Variants in PRKN observed in about 807,000 individuals in gnomAD.
PRKN encodes the protein parkin RBR E3 ubiquitin protein ligase.
Under a neutral mutation model 59.5 loss-of-function variants are expected in PRKN, and 56 were observed. That is an observed-to-expected ratio of 0.94 (90% confidence interval 0.76 to 1.18). The LOEUF (loss-of-function observed/expected upper bound fraction) is 1.18. Ranked by LOEUF, PRKN falls within the 50% of genes most tolerant of loss-of-function variation. PRKN has a pLI of 0.00. For synonymous variants in PRKN, 250 were observed against 222.1 expected (o/e 1.13, Z -1.12); for missense variants, 657 against 596.4 (o/e 1.10, Z -1.06).
chr6:162,314,059 CCAAGTCAAGA>C (rs1782646056), intron 2 of PRKN, among the ~76,000 whole-genome samples: 1 of 152,068 alleles, frequency 6.6e-6, no homozygotes, highest in Non-Finnish European at 1.5e-5. Flanking sequence ...TCGCCACCAC[CCAAGTCAAGA>C]CACAAAGAAG....
chr6:161,365,942 G>A (rs1785178254), intron 10 of PRKN, among the ~76,000 whole-genome samples: 1 of 152,188 alleles, frequency 6.6e-6, no homozygotes, highest in Non-Finnish European at 1.5e-5. Context: ...AAAATTGAGA[G>A]CAGCAATTTC....
chr6:161,746,870 A>ATATATC (rs1239372763), intron 7 of PRKN, among the ~76,000 whole-genome samples: 45 of 149,570 alleles, frequency 3.0e-4, no homozygotes, highest in African/African-American at 9.7e-4. Context: ...ATATCTACGT[A>ATATATC]TATATCTATA....
chr6:161,402,362 G>A lies in PRKN; in HGVS notation c.1084-15485C>T, dbSNP rs1787087938. The stretch of plus-strand genomic sequence containing the variant: ...TATTGCTTTGCTAAGGACATAGAAA[G>A]CAAACTAATTAAATGACAGCTAAAG... On this transcript the variant is annotated intron_variant, in intron 9 of 11. Transcript: ENST00000366898. The surrounding 1 kb of genome is among the most constrained non-coding windows in gnomAD (Gnocchi z 4.5). 6.6e-6 allele frequency among the ~76,000 whole-genome samples: 1 copy of A among 152,138 alleles called. No individual in the cohort carries two copies. The highest frequency in any genetic ancestry group is 2.4e-5 in the African/African-American group (1 of 41,414).
chr6:161,544,989 G>A lies in PRKN; in HGVS notation c.1083+3865C>T, dbSNP rs117217302. The stretch of plus-strand genomic sequence containing the variant: ...TATACAACAGAAACCACAGCTGTGC[G>A]GAAGACCACCCAGGTACATGGTCGT... On this transcript the variant is annotated intron_variant, in intron 9 of 11. Transcript: ENST00000366898. This position sits in a 1 kb window ranked among gnomAD's most constrained non-coding sequence, Gnocchi z 5.5. 706 of 208,780 alleles carry A rather than the reference G, an allele frequency of 3.4e-3. 18 individuals carry two copies. In the East Asian group the frequency reaches 0.057, roughly 17 times the overall value. 12.9% of individuals were successfully genotyped at this position (208,780 alleles called of 1,614,324 possible). A position where few individuals can be genotyped will look rare whatever the true frequency, so the allele number is the denominator to read the frequency against.
chr6:162,391,585 G>A (rs1323084425), intron 2 of PRKN, among the ~76,000 whole-genome samples: 3 of 151,688 alleles, frequency 2.0e-5, no homozygotes, highest in South Asian at 2.1e-4. Context: ...CATGCTTGAC[G>A]TGGATTTCGA....
At chr6:162,470,054 G>C (rs1791652741) in intron 1 of PRKN, among the ~76,000 whole-genome samples, 1 of 151,952 alleles carries the variant, frequency 6.6e-6, no homozygotes, top group Non-Finnish European at 1.5e-5. Context: ...CCATAAAAAG[G>C]CCTGACTATC....
At chr6:161,863,206 A>G (rs2128225083) in intron 6 of PRKN, among the ~76,000 whole-genome samples, 1 of 152,324 alleles carries the variant, frequency 6.6e-6, no homozygotes, top group African/African-American at 2.4e-5. Context: ...AGACAGAAGA[A>G]TAACATAAAA....
At chr6:161,700,895 T>C (rs964774340) in intron 7 of PRKN, among the ~76,000 whole-genome samples, 16 of 152,196 alleles carry the variant, frequency 1.1e-4, no homozygotes, top group African/African-American at 3.9e-4. Context: ...GTAATGAAGG[T>C]TATATTTCAA....
chr6:161,790,637 CTA>C (rs1024769731), intron 6 of PRKN, among the ~76,000 whole-genome samples: 6 of 152,198 alleles, frequency 3.9e-5, no homozygotes, highest in Admixed American at 6.5e-5. Context: ...AAGCCACCGT[CTA>C]TGAACCAGGA....
rs1336907834 is a variant in PRKN, at chr6:161,390,197, T to C, written c.1084-3320A>G. On this transcript the variant is annotated intron_variant, in intron 9 of 11. Coordinates refer to ENST00000366898, the MANE Select transcript of PRKN (RefSeq NM_004562.3). The surrounding 1 kb of genome is among the most constrained non-coding windows in gnomAD (Gnocchi z 7.0). ...AATGTTTGGGTTTTCAATTACATTA[T>C]CCAGGACTCAAGACTCTCAACCTTC... is the stretch of plus-strand genomic sequence containing the variant. 6.6e-6 allele frequency among the ~76,000 whole-genome samples: 1 copy of C among 152,224 alleles called. No individual in the cohort carries two copies. Among genetic ancestry groups the C allele is most frequent in the Non-Finnish European group, 1.5e-5 (1 of 68,038 alleles).
Position 161,783,208 on chromosome 6 carries a change from T to C in PRKN, c.871+2564A>G, listed in dbSNP as rs111546268. On this transcript the variant is annotated intron_variant, in intron 7 of 11. Transcript: ENST00000366898. ...CAACAGTTGTAATATTGGTGACTTT[T>C]CAATGAAAATTTGGTAACACTGGAT... Among the ~76,000 whole-genome samples, 551 of 152,254 alleles carry C rather than the reference T, an allele frequency of 3.6e-3. 4 individuals carry two copies. Among genetic ancestry groups the C allele is most frequent in the African/African-American group, 0.012 (504 of 41,542 alleles).
At chr6:162,339,677 G>C (rs1468052213) in intron 2 of PRKN, among the ~76,000 whole-genome samples, 1 of 152,168 alleles carries the variant, frequency 6.6e-6, no homozygotes, top group Non-Finnish European at 1.5e-5. Flanking sequence ...GATGACAATG[G>C]TGGCTTTGTG....
Position 161,995,881 on chromosome 6 carries a change from C to T in PRKN, c.619-22464G>A, listed in dbSNP as rs191415931. Among the ~76,000 whole-genome samples the T allele has an allele frequency of 4.7e-4, 72 of 152,222 alleles. 1 individual carries two copies. The highest frequency in any genetic ancestry group is 1.6e-3 in the African/African-American group (68 of 41,522). On this transcript the variant is annotated intron_variant, in intron 5 of 11. Coordinates refer to ENST00000366898, the MANE Select transcript of PRKN (RefSeq NM_004562.3). Reference sequence around the variant, plus strand: ...AACTAAAAGCACAAGGTGGCTTACGCCTGTAATCCCAGCACTTTGGGAGGC... The same window carrying T: ...AACTAAAAGCACAAGGTGGCTTACGTCTGTAATCCCAGCACTTTGGGAGGC...
At chr6:162,480,964 C>A (rs1317410000) in intron 1 of PRKN, among the ~76,000 whole-genome samples, 3 of 149,890 alleles carry the variant, frequency 2.0e-5, no homozygotes, top group Admixed American at 2.0e-4. Flanking sequence ...CACCACCAAG[C>A]CCAGCTAATT....
intron 5 of PRKN, among the ~76,000 whole-genome samples, chr6:162,010,354 T>C (rs1336153056): frequency 8.2e-6 from 1 of 122,070 alleles, no homozygotes; most frequent in Non-Finnish European, 1.6e-5. Context: ...AATATACATT[T>C]ATTATATGTA....
chr6:161,962,340 G>C (rs1051840428), intron 6 of PRKN, among the ~76,000 whole-genome samples: 1 of 151,898 alleles, frequency 6.6e-6, no homozygotes, highest in Non-Finnish European at 1.5e-5. Context: ...CCCTCACCTA[G>C]TTTATAGCAA....
chr6:162,130,132 C>A, intron 4 of PRKN, among the ~76,000 whole-genome samples: 1 of 152,136 alleles, frequency 6.6e-6, no homozygotes, highest in Non-Finnish European at 1.5e-5. Context: ...CCCCCAAATA[C>A]AGGAATCTAC....
chr6:162,579,664 CAG>C, intron 1 of PRKN, among the ~76,000 whole-genome samples: 1 of 150,540 alleles, frequency 6.6e-6, no homozygotes, highest in South Asian at 2.1e-4. Flanking sequence ...TTCACACACA[CAG>C]ATACACACAG....
At chr6:162,720,744 C>G (rs1778913014) in intron 1 of PRKN, among the ~76,000 whole-genome samples, 1 of 152,156 alleles carries the variant, frequency 6.6e-6, no homozygotes, top group South Asian at 2.1e-4. Context: ...GCCACCGCGC[C>G]CGGCCCATAG....
Sources: gnomAD v4.1 joint callset for allele counts (sites outside exome capture counted in the v4.1 genomes callset) on GRCh38, gnomAD v4.1.1 for gene constraint, Gnocchi (gnomAD v3.1) non-coding constraint, MANE v1.5 for transcripts, NCBI Gene and HGNC (gene_info 2026-07-23, HGNC 2026-07-21) for gene names.